The following EXOC4 variants were observed in gnomAD, a reference collection of about 807,000 sequenced individuals.
EXOC4 encodes the protein exocyst complex component 4.
In EXOC4, 71 loss-of-function variants were observed where a neutral mutation model predicts 107.2. The observed-to-expected ratio is 0.66, with a 90% confidence interval of 0.55 to 0.81. The LOEUF is 0.81. EXOC4 is among the 30% of genes least tolerant of loss of function. The probability of loss-of-function intolerance (pLI) is 0.00; values close to 1 mark genes in which losing one functional copy is unlikely to be tolerated. For synonymous variants in EXOC4, 456 were observed against 441.2 expected, an observed-to-expected ratio of 1.03 and a Z score of -0.42; for missense variants, 1,108 against 1,189.6, an observed-to-expected ratio of 0.93 and a Z score of 1.01.
intron 6 of EXOC4, among the ~76,000 whole-genome samples, chr7:133,371,187 T>C (rs1299670590): frequency 6.6e-6 from 1 of 152,164 alleles, no homozygotes; most frequent in Non-Finnish European, 1.5e-5. Context: ...TAGAGAGGTG[T>C]TGGATCTTCA....
intron 10 of EXOC4, 98 bp downstream of exon 10, chr7:133,630,239 T>A: frequency 1.1e-6 from 1 of 884,970 alleles, no homozygotes; most frequent in Non-Finnish European, 1.8e-6. Context: ...CTGAAACAAG[T>A]CATAAAAGAA....
chr7:133,430,301 G>T (rs1016938985), intron 7 of EXOC4, among the ~76,000 whole-genome samples: 2 of 152,102 alleles, frequency 1.3e-5, no homozygotes, highest in Non-Finnish European at 2.9e-5. Context: ...GGTTTTTGTG[G>T]GTACAAGATG....
In EXOC4 at chr7:133,412,278, G is replaced by GTTTTTTTT. The variant is rs35334259; in HGVS notation, c.1182+37292_1182+37299dup. On this transcript the variant is annotated intron_variant, in intron 7 of 17. Transcript: ENST00000253861. ...ATCTGGTCAATACTGTCAGAATTCA[G>GTTTTTTTT]TTTTTTTTTTTTTTTTTTTTTTTGC... Among the ~76,000 whole-genome samples the GTTTTTTTT allele has an allele frequency of 2.3e-3, 164 of 71,470 alleles. 18 individuals are homozygous for GTTTTTTTT. The highest frequency in any genetic ancestry group is 2.9e-3 in the Non-Finnish European group (117 of 41,016). 46.9% of individuals were successfully genotyped at this position (71,470 alleles called of 152,430 possible).
intron 10 of EXOC4, among the ~76,000 whole-genome samples, chr7:133,708,876 G>A (rs1401706183): frequency 6.6e-6 from 1 of 152,192 alleles, no homozygotes; most frequent in Admixed American, 6.5e-5. Flanking sequence ...TGGATCCATA[G>A]CTCCACTACT....
intron 1 of EXOC4, among the ~76,000 whole-genome samples, chr7:133,264,869 T>A (rs1346165673): frequency 1.3e-5 from 2 of 152,226 alleles, no homozygotes; most frequent in Non-Finnish European, 2.9e-5. Flanking sequence ...ACTTTCACTC[T>A]ATTCATACTT....
intron 11 of EXOC4, among the ~76,000 whole-genome samples, chr7:133,862,609 TAAAC>T (rs1798559120): frequency 6.6e-6 from 1 of 152,202 alleles, no homozygotes; most frequent in African/African-American, 2.4e-5. Context: ...GGCCTTTAGT[TAAAC>T]AAAATCATTG....
At chr7:133,421,617 C>T (rs1469002764) in intron 7 of EXOC4, among the ~76,000 whole-genome samples, 1 of 152,128 alleles carries the variant, frequency 6.6e-6, no homozygotes, top group Non-Finnish European at 1.5e-5. Flanking sequence ...GTCCTTGCAG[C>T]ATTTTTGCCT....
chr7:133,471,681 A>G (rs1263871009), intron 7 of EXOC4, among the ~76,000 whole-genome samples: 1 of 152,188 alleles, frequency 6.6e-6, no homozygotes, highest in Non-Finnish European at 1.5e-5. Context: ...ATTTGCATAT[A>G]ACAACATATT....
chr7:133,643,305 G>T (rs1433509214), intron 10 of EXOC4, among the ~76,000 whole-genome samples: 1 of 130,712 alleles, frequency 7.7e-6, no homozygotes, highest in Non-Finnish European at 1.7e-5. Context: ...TAGGCTGGAA[G>T]GCTAGGTCAG....
intron 9 of EXOC4, among the ~76,000 whole-genome samples, chr7:133,533,016 C>A (rs1450766983): frequency 3.9e-5 from 6 of 152,004 alleles, no homozygotes. Flanking sequence ...ACTGGGAATA[C>A]AGTAATTGAA....
At chr7:133,911,215 G>A (rs887365580) in intron 12 of EXOC4, among the ~76,000 whole-genome samples, 1 of 152,108 alleles carries the variant, frequency 6.6e-6, no homozygotes, top group Admixed American at 6.5e-5. Context: ...GATTAACCTT[G>A]CTTCTCCTAT....
chr7:133,702,619 C>T (rs1794690588), intron 10 of EXOC4, among the ~76,000 whole-genome samples: 1 of 151,624 alleles, frequency 6.6e-6, no homozygotes, highest in Admixed American at 6.6e-5. Context: ...AGCCACTGCA[C>T]CCAGCCTGTA....
intron 10 of EXOC4, among the ~76,000 whole-genome samples, chr7:133,672,854 C>T (rs981477381): frequency 6.6e-6 from 1 of 152,176 alleles, no homozygotes; most frequent in Non-Finnish European, 1.5e-5. Flanking sequence ...CCAGTCTTAT[C>T]CCAGGCCCTA....
chr7:133,331,688 A>G (rs1053209816), intron 5 of EXOC4, among the ~76,000 whole-genome samples: 1 of 152,160 alleles, frequency 6.6e-6, no homozygotes, highest in Non-Finnish European at 1.5e-5. Flanking sequence ...GATGGTCTCT[A>G]TCTCCTGACC....
intron 10 of EXOC4, among the ~76,000 whole-genome samples, chr7:133,813,604 T>A (rs1441013373): frequency 6.6e-6 from 1 of 151,996 alleles, no homozygotes; most frequent in Non-Finnish European, 1.5e-5. Flanking sequence ...TATTTGGAGA[T>A]CTTCAAATTG....
intron 17 of EXOC4, among the ~76,000 whole-genome samples, chr7:134,062,094 C>T (rs867744467): frequency 1.3e-5 from 2 of 152,176 alleles, no homozygotes; most frequent in Non-Finnish European, 2.9e-5. Context: ...CCAAAATGAA[C>T]ACTCGTTTAA....
chr7:133,671,586 T>TAAATA (rs796515270), intron 10 of EXOC4, among the ~76,000 whole-genome samples: 5 of 151,928 alleles, frequency 3.3e-5, no homozygotes, highest in African/African-American at 1.2e-4. Flanking sequence ...AATAAGTAAA[T>TAAATA]AAATAGGATG....
intron 7 of EXOC4, among the ~76,000 whole-genome samples, chr7:133,390,603 A>C (rs1006405689): frequency 2.6e-5 from 4 of 152,166 alleles, no homozygotes; most frequent in Non-Finnish European, 5.9e-5. Flanking sequence ...TTCCTTCAGA[A>C]GCCCAGCCTG....
In EXOC4 at chr7:133,309,241, A is replaced by G. The variant is rs562528181; in HGVS notation, c.656+3180A>G. On this transcript the variant is annotated intron_variant, in intron 4 of 17. Coordinates refer to ENST00000253861, the MANE Select transcript of EXOC4 (RefSeq NM_021807.4). The stretch of plus-strand genomic sequence containing the variant: ...CACTATTATTTGGTCTTCTTTTTAT[A>G]CACTTAAAACCAGGTCAGTTACACA... 1.8e-4 allele frequency among the ~76,000 whole-genome samples: 27 copies of G among 152,226 alleles called. No homozygotes were observed. The South Asian group carries it at 4.4e-3, about 25-fold the overall frequency.
Sources: gnomAD v4.1 joint callset for allele counts (sites outside exome capture counted in the v4.1 genomes callset) on GRCh38, gnomAD v4.1.1 for gene constraint, MANE v1.5 for transcripts, NCBI Gene and HGNC (gene_info 2026-07-23, HGNC 2026-07-21) for gene names.